SNTB1: variants seen among roughly 807,000 people sequenced by gnomAD.
SNTB1 encodes beta-1-syntrophin.
A neutral mutation model predicts 48.9 loss-of-function variants in SNTB1; 36 were observed. The ratio of observed to expected loss-of-function variants is 0.74; its 90% CI spans 0.56 to 0.97. The LOEUF is 0.97. SNTB1 is among the 50% of genes least tolerant of loss of function. The pLI is 0.00. For synonymous variants in SNTB1, 299 were observed against 294.6 expected (o/e 1.01, Z -0.15); for missense variants, 786 against 703.4 (o/e 1.12, Z -1.33).
chr8:120,629,366 A>C (rs540046887), intron 3 of SNTB1, among the ~76,000 whole-genome samples: 1 of 152,372 alleles, frequency 6.6e-6, no homozygotes, highest in East Asian at 1.9e-4. Context: ...GCCGCTTTTA[A>C]AAATTTGAAA....
chr8:120,703,702 C>A (rs1466544646), intron 1 of SNTB1, among the ~76,000 whole-genome samples: 1 of 152,186 alleles, frequency 6.6e-6, no homozygotes, highest in Non-Finnish European at 1.5e-5. Context: ...AGGCTGTATA[C>A]AAATACACCA....
chr8:120,738,785 C>T (rs974712306), intron 1 of SNTB1, among the ~76,000 whole-genome samples: 1 of 152,154 alleles, frequency 6.6e-6, no homozygotes, highest in Admixed American at 6.5e-5. Context: ...TTGCATGTAT[C>T]ACCATTAAGG....
Position 120,811,675 on chromosome 8 carries a change from A to C in SNTB1, c.169T>G (p.Tyr57Asp). The change falls in exon 1 of 7, where the codon TAC becomes GAC. Residue 57 changes from tyrosine to aspartate, a missense_variant. Tyr to Asp is a radical substitution (Grantham distance 160). Transcript: ENST00000517992. Reference sequence around the variant, plus strand: ...TTGGTGGCGGTCCCGATGCCGTTGTACGCCGCAGCGCCCTCCTCGCTGCTC... The same window carrying C: ...TTGGTGGCGGTCCCGATGCCGTTGTCCGCCGCAGCGCCCTCCTCGCTGCTC... ...VLSSEEGAAA[Y>D]NGIGTATNGS... 6.3e-7 allele frequency: 1 copy of C among 1,592,440 alleles called. No individual in the cohort carries two copies. The highest frequency in any genetic ancestry group is 8.5e-7 in the Non-Finnish European group (1 of 1,173,118).
intron 1 of SNTB1, among the ~76,000 whole-genome samples, chr8:120,806,441 G>T (rs1820338516): frequency 6.6e-6 from 1 of 152,206 alleles, no homozygotes. Flanking sequence ...ATGTAGTTGT[G>T]TCCATGCATT....
At chr8:120,792,069 G>T (rs1820044215) in intron 1 of SNTB1, among the ~76,000 whole-genome samples, 1 of 150,936 alleles carries the variant, frequency 6.6e-6, no homozygotes, top group Admixed American at 6.6e-5. Context: ...CGATGAGTGG[G>T]TACCACTCAT....
At chr8:120,810,642 A>G (rs1165334018) in intron 1 of SNTB1, among the ~76,000 whole-genome samples, 2 of 152,196 alleles carry the variant, frequency 1.3e-5, no homozygotes, top group East Asian at 3.9e-4. Flanking sequence ...AAACTGCAAC[A>G]TATTCCCCGG....
intron 4 of SNTB1, among the ~76,000 whole-genome samples, chr8:120,550,688 C>T (rs1815466887): frequency 6.6e-6 from 1 of 152,006 alleles, no homozygotes; most frequent in African/African-American, 2.4e-5. Flanking sequence ...TCAATTCATT[C>T]AGGAGGGAGG....
chr8:120,709,546 C>T (rs564080547), intron 1 of SNTB1, among the ~76,000 whole-genome samples: 2 of 152,206 alleles, frequency 1.3e-5, no homozygotes, highest in African/African-American at 4.8e-5. Flanking sequence ...ACTAAATGTC[C>T]AGGGTTTTAC....
At chr8:120,612,804 C>A (rs539538368) in intron 3 of SNTB1, among the ~76,000 whole-genome samples, 4 of 152,062 alleles carry the variant, frequency 2.6e-5, no homozygotes, top group Non-Finnish European at 5.9e-5. Context: ...TTGTGGCACA[C>A]GTGGTATTTT....
intron 1 of SNTB1, among the ~76,000 whole-genome samples, chr8:120,792,081 T>C (rs1190978822): frequency 6.7e-6 from 1 of 150,316 alleles, no homozygotes; most frequent in African/African-American, 2.5e-5. Context: ...ACCACTCATA[T>C]ATATATGAGT....
intron 1 of SNTB1, among the ~76,000 whole-genome samples, chr8:120,727,939 G>A (rs1818788335): frequency 6.6e-6 from 1 of 152,178 alleles, no homozygotes; most frequent in African/African-American, 2.4e-5. Context: ...CTGTGGTACG[G>A]TATTACTATG....
chr8:120,782,958 A>G (rs1274545087), intron 1 of SNTB1, among the ~76,000 whole-genome samples: 4 of 152,210 alleles, frequency 2.6e-5, no homozygotes, highest in Non-Finnish European at 5.9e-5. Flanking sequence ...TACTAAGAAT[A>G]TATCTCTTCA....
At chr8:120,717,212 T>G (rs572828040) in intron 1 of SNTB1, among the ~76,000 whole-genome samples, 1 of 152,218 alleles carries the variant, frequency 6.6e-6, no homozygotes, top group South Asian at 2.1e-4. Flanking sequence ...ACTACGGACC[T>G]CACTGATAAT....
chr8:120,784,738 T>G (rs554620252), intron 1 of SNTB1, among the ~76,000 whole-genome samples: 1 of 152,280 alleles, frequency 6.6e-6, no homozygotes, highest in South Asian at 2.1e-4. Flanking sequence ...AAAGACAAAA[T>G]AGTGTATTGA....
At chr8:120,604,329 A>G (rs1303516086) in intron 3 of SNTB1, among the ~76,000 whole-genome samples, 2 of 152,038 alleles carry the variant, frequency 1.3e-5, no homozygotes, top group Admixed American at 6.5e-5. Context: ...ATCTCCATCA[A>G]ATGTCATTTC....
chr8:120,557,992 G>A (rs1456355958), intron 4 of SNTB1, among the ~76,000 whole-genome samples: 2 of 152,238 alleles, frequency 1.3e-5, no homozygotes, highest in Admixed American at 1.3e-4. Context: ...CAGATTCTGG[G>A]AACTAAATAC....
chr8:120,678,261 C>T (rs1817871606), intron 2 of SNTB1, among the ~76,000 whole-genome samples: 1 of 152,156 alleles, frequency 6.6e-6, no homozygotes, highest in Non-Finnish European at 1.5e-5. Flanking sequence ...GTCTGTCTCT[C>T]TGCTGCCTTT....
At chr8:120,773,392 T>C (rs2130106827) in intron 1 of SNTB1, among the ~76,000 whole-genome samples, 1 of 152,260 alleles carries the variant, frequency 6.6e-6, no homozygotes, top group Middle Eastern at 3.4e-3. Context: ...TAAAGAGAGA[T>C]TGGCATGGAT....
chr8:120,649,799 C>T (rs1817378672), intron 2 of SNTB1, among the ~76,000 whole-genome samples: 1 of 152,176 alleles, frequency 6.6e-6, no homozygotes, highest in Non-Finnish European at 1.5e-5. Flanking sequence ...TCTCAGACTG[C>T]TGTGCTAGCA....
Sources: allele counts gnomAD v4.1 joint callset (sites outside exome capture counted in the v4.1 genomes callset), GRCh38; gene constraint gnomAD v4.1.1; transcripts MANE v1.5; gene names NCBI Gene and HGNC (gene_info 2026-07-23, HGNC 2026-07-21).